The following PCDH15 variants were observed in gnomAD, a reference collection of about 807,000 sequenced individuals.
PCDH15 encodes protocadherin related 15.
PCDH15 carries 129 observed loss-of-function variants against 178.5 expected under a neutral mutation model. The ratio of observed to expected loss-of-function variants is 0.72; its 90% confidence interval spans 0.63 to 0.84. The LOEUF (loss-of-function observed/expected upper bound fraction) is 0.84. PCDH15 is among the 40% of genes least tolerant of loss of function. The probability of loss-of-function intolerance (pLI) is 0.00; values close to 1 mark genes in which losing one functional copy is unlikely to be tolerated. For missense variants in PCDH15, 2,230 were observed against 2,099.9 expected (o/e 1.06, Z -1.21); for synonymous variants, 800 against 732.0 (o/e 1.09, Z -1.50).
At chr10:54,238,271 C>T (rs1458804606) in intron 8 of PCDH15, among the ~76,000 whole-genome samples, 2 of 151,804 alleles carry the variant, frequency 1.3e-5, no homozygotes, top group African/African-American at 4.8e-5. Context: ...TTATACAAAA[C>T]CAGTAGTTTC....
intron 1 of PCDH15, among the ~76,000 whole-genome samples, chr10:55,290,848 A>C (rs1842990400): frequency 6.6e-6 from 1 of 152,168 alleles, no homozygotes; most frequent in South Asian, 2.1e-4. Context: ...GAAAGAAAAA[A>C]AGATGGGAGG....
intron 2 of PCDH15, among the ~76,000 whole-genome samples, chr10:54,911,631 T>C (rs1954820782): frequency 6.6e-6 from 1 of 152,180 alleles, no homozygotes; most frequent in Non-Finnish European, 1.5e-5. Context: ...CTAAATCTCA[T>C]ATTGAATTGT....
chr10:55,098,604 G>C (rs1290665445), intron 2 of PCDH15, among the ~76,000 whole-genome samples: 3 of 151,754 alleles, frequency 2.0e-5, no homozygotes, highest in Non-Finnish European at 2.9e-5. Flanking sequence ...TTTCAGTAAG[G>C]AGAAGACAAT....
At chr10:54,437,730 CT>C (rs1260810394) in intron 3 of PCDH15, among the ~76,000 whole-genome samples, 110 of 152,246 alleles carry the variant, frequency 7.2e-4, no homozygotes, top group African/African-American at 2.5e-3. Flanking sequence ...AAGTAGGTTT[CT>C]GCAGACATGA....
At chr10:54,162,342 A>G (rs976547378) in intron 13 of PCDH15, among the ~76,000 whole-genome samples, 17 of 152,092 alleles carry the variant, frequency 1.1e-4, no homozygotes, top group African/African-American at 4.1e-4. Flanking sequence ...TCTTCCTCCT[A>G]TGAATGGACA....
intron 2 of PCDH15, among the ~76,000 whole-genome samples, chr10:55,394,518 C>T (rs1837875638): frequency 6.6e-6 from 1 of 151,908 alleles, no homozygotes; most frequent in South Asian, 2.1e-4. Flanking sequence ...CACCCTGCCC[C>T]AGATCTCAAT....
intron 8 of PCDH15, among the ~76,000 whole-genome samples, chr10:54,263,459 AAAG>A (rs1485140832): frequency 6.6e-6 from 1 of 152,204 alleles, no homozygotes; most frequent in African/African-American, 2.4e-5. Flanking sequence ...GTGTGCACTG[AAAG>A]AAGTTGTTTC....
At chr10:54,615,872 A>G (rs1010494214) in intron 2 of PCDH15, among the ~76,000 whole-genome samples, 1 of 152,082 alleles carries the variant, frequency 6.6e-6, no homozygotes, top group Admixed American at 6.6e-5. Context: ...TCAATAATAA[A>G]AATATTCCCA....
At chr10:54,250,444 G>A (rs530890532) in intron 8 of PCDH15, among the ~76,000 whole-genome samples, 16 of 151,316 alleles carry the variant, frequency 1.1e-4, no homozygotes, top group Admixed American at 5.9e-4. Flanking sequence ...CACCACGCCC[G>A]GCTAATTTTT....
At chr10:55,362,130 G>A (rs1845245140) in intron 2 of PCDH15, among the ~76,000 whole-genome samples, 1 of 152,118 alleles carries the variant, frequency 6.6e-6, no homozygotes, top group African/African-American at 2.4e-5. Flanking sequence ...TTTCTTTCAT[G>A]ATGGAAAAAT....
chr10:55,466,536 T>A (rs917902812), intron 2 of PCDH15, among the ~76,000 whole-genome samples: 2 of 152,130 alleles, frequency 1.3e-5, no homozygotes, highest in African/African-American at 2.4e-5. Flanking sequence ...ATTTTGCCGA[T>A]GAGGAAATGT....
chr10:54,888,718 T>A (rs914860703), intron 3 of PCDH15, among the ~76,000 whole-genome samples: 1 of 148,946 alleles, frequency 6.7e-6, no homozygotes, highest in Non-Finnish European at 1.5e-5. Context: ...TCCTTAATGA[T>A]GTTCAGCACA....
At chr10:54,026,633 T>C (rs899783799) in intron 18 of PCDH15, among the ~76,000 whole-genome samples, 3 of 152,358 alleles carry the variant, frequency 2.0e-5, no homozygotes, top group Admixed American at 6.5e-5. Context: ...TCTGTTTATA[T>C]GCTGGATTAC....
At chr10:54,374,232 A>G (rs1250806163) in intron 4 of PCDH15, among the ~76,000 whole-genome samples, 2 of 152,096 alleles carry the variant, frequency 1.3e-5, no homozygotes, top group African/African-American at 2.4e-5. Flanking sequence ...AGGTGGAGAT[A>G]AAACTACTAA....
In PCDH15 at chr10:54,268,661, A is replaced by G. The variant is rs544275300; in HGVS notation, c.877-31730T>C. ...TATGCTAAGCAGATGCTGGGACACA[A>G]GAAAAATCTTTAAGATATGTCACTG... On this transcript the variant is annotated intron_variant, in intron 8 of 37. Coordinates refer to ENST00000644397, the MANE Select transcript of PCDH15 (RefSeq NM_001384140.1). 2.0e-5 allele frequency among the ~76,000 whole-genome samples: 3 copies of G among 152,038 alleles called. No homozygotes were observed. In the East Asian group the frequency reaches 5.8e-4, roughly 29 times the overall value.
At chr10:53,825,794 G>A (rs1036544989) in intron 32 of PCDH15, among the ~76,000 whole-genome samples, 5 of 151,256 alleles carry the variant, frequency 3.3e-5, no homozygotes, top group African/African-American at 1.2e-4. Flanking sequence ...ATTTACTAAA[G>A]ATAAGATAAT....
chr10:54,708,067 C>A, intron 1 of PCDH15, among the ~76,000 whole-genome samples: 1 of 152,156 alleles, frequency 6.6e-6, no homozygotes, highest in East Asian at 1.9e-4. Context: ...TATAAAATAA[C>A]ATGCATATGT....
At chr10:54,431,138 A>C (rs1956920085) in intron 3 of PCDH15, among the ~76,000 whole-genome samples, 1 of 152,208 alleles carries the variant, frequency 6.6e-6, no homozygotes, top group African/African-American at 2.4e-5. Context: ...GGTAAAGAAA[A>C]GCCCAGGACC....
chr10:55,523,396 G>A (rs1194001675), intron 2 of PCDH15, among the ~76,000 whole-genome samples: 1 of 151,296 alleles, frequency 6.6e-6, no homozygotes, highest in Non-Finnish European at 1.5e-5. Context: ...CATAATTGTA[G>A]AAGTTCTGGA....
Sources: allele counts gnomAD v4.1 joint callset (sites outside exome capture counted in the v4.1 genomes callset), GRCh38; gene constraint gnomAD v4.1.1; transcripts MANE v1.5; gene names NCBI Gene and HGNC (gene_info 2026-07-23, HGNC 2026-07-21).